CDK8: variants seen among roughly 807,000 people sequenced by gnomAD.
CDK8 encodes cyclin-dependent kinase 8.
In CDK8, 29 loss-of-function variants were observed where a neutral mutation model predicts 71.5. The ratio of observed to expected loss-of-function variants is 0.41; its 90% CI spans 0.30 to 0.55. The LOEUF is 0.55. CDK8 is among the 20% of genes least tolerant of loss of function. The pLI is 0.37. For missense variants in CDK8, 288 were observed against 572.6 expected (o/e 0.50, Z 5.07); for synonymous variants, 161 against 192.1 (o/e 0.84, Z 1.34).
chr13:26,288,110 G>T (rs1873110623), intron 1 of CDK8, among the ~76,000 whole-genome samples: 1 of 151,930 alleles, frequency 6.6e-6, no homozygotes, highest in South Asian at 2.1e-4. Context: ...CTATAGGCAC[G>T]TGCCACCATG....
At chr13:26,333,296 C>A (rs1472820106) in intron 1 of CDK8, among the ~76,000 whole-genome samples, 1 of 152,010 alleles carries the variant, frequency 6.6e-6, no homozygotes, top group African/African-American at 2.4e-5. Flanking sequence ...TCCACTACCA[C>A]GCCCGGCTAA....
chr13:26,369,709 C>CTTTTTTTTTTTTTTTTTT (rs36116401), intron 4 of CDK8, among the ~76,000 whole-genome samples: 1 of 95,384 alleles, frequency 1.0e-5, no homozygotes, highest in Non-Finnish European at 2.0e-5. Context: ...TTCTTTCTTT[C>CTTTTTTTTTTTTTTTTTT]TTTTTTTTTT....
rs1410018169 is a variant in CDK8 at position 26,279,723 on chromosome 13, A to G, written c.128+24954A>G. On this transcript the variant is annotated intron_variant, in intron 1 of 12. Transcript: ENST00000381527. Reference sequence around the variant, plus strand: ...ATTTGGATTTAATAAAAACTCATACAAAAGACATTTTTGGAACAATTTGTA... The same window carrying G: ...ATTTGGATTTAATAAAAACTCATACGAAAGACATTTTTGGAACAATTTGTA... 2.6e-5 allele frequency among the ~76,000 whole-genome samples: 4 copies of G among 152,232 alleles called. No homozygotes were observed. In the East Asian group the frequency reaches 7.7e-4, roughly 29 times the overall value.
At chr13:26,321,569 A>G (rs1412331121) in intron 1 of CDK8, among the ~76,000 whole-genome samples, 1 of 152,146 alleles carries the variant, frequency 6.6e-6, no homozygotes, top group African/African-American at 2.4e-5. Context: ...TAAAAAATGG[A>G]AAAAAAGTGA....
chr13:26,310,592 T>C (rs1436759374), intron 1 of CDK8, among the ~76,000 whole-genome samples: 1 of 152,130 alleles, frequency 6.6e-6, no homozygotes, highest in Non-Finnish European at 1.5e-5. Context: ...CGTTCTCCTA[T>C]GAGAATCTAA....
chr13:26,380,330 C>T (rs1875160624), intron 4 of CDK8, among the ~76,000 whole-genome samples: 1 of 152,100 alleles, frequency 6.6e-6, no homozygotes, highest in African/African-American at 2.4e-5. Context: ...CAGGCACGCA[C>T]CACCACGCCC....
At chr13:26,331,841 C>T (rs1340765762) in intron 1 of CDK8, among the ~76,000 whole-genome samples, 9 of 152,012 alleles carry the variant, frequency 5.9e-5, no homozygotes, top group African/African-American at 1.2e-4. Flanking sequence ...TTTCTGACTC[C>T]GTGAAGAATG....
chr13:26,332,339 G>A (rs555592819), intron 1 of CDK8, among the ~76,000 whole-genome samples: 4 of 151,950 alleles, frequency 2.6e-5, no homozygotes, highest in African/African-American at 9.7e-5. Flanking sequence ...ACAAAAATTA[G>A]CCAGGCATGG....
chr13:26,256,780 C>A (rs1871543234), intron 1 of CDK8, among the ~76,000 whole-genome samples: 1 of 152,222 alleles, frequency 6.6e-6, no homozygotes, highest in Non-Finnish European at 1.5e-5. Context: ...GAAAAAAGAA[C>A]TTATTATTTG....
intron 1 of CDK8, among the ~76,000 whole-genome samples, chr13:26,294,972 T>A (rs77735537): frequency 0.058 from 8,813 of 152,088 alleles, 854 homozygotes; most frequent in African/African-American, 0.2. Context: ...ATGATCTCGA[T>A]CCCTTGACCT....
At position 26,381,305 on chromosome 13, in the gene CDK8, T is replaced by A. The variant is rs143068107; in HGVS notation, c.457-1509T>A. 7.4e-3 allele frequency among the ~76,000 whole-genome samples: 1,129 copies of A among 152,296 alleles called. 12 individuals carry two copies. The highest frequency in any genetic ancestry group is 0.032 in the South Asian group (152 of 4,816). On this transcript the variant is annotated intron_variant, in intron 4 of 12. Transcript: ENST00000381527. ...TGCACTATCTCAGAAATCTGGCTTC[T>A]CTCTGAAGTAGGCCGGGCCCTAAGA...
chr13:26,357,004 C>T (rs1873926127), intron 4 of CDK8, among the ~76,000 whole-genome samples: 1 of 152,156 alleles, frequency 6.6e-6, no homozygotes, highest in Non-Finnish European at 1.5e-5. Context: ...ACCCTAAAAA[C>T]ACCATTTTAA....
chr13:26,336,463 G>A (rs1166337385), intron 1 of CDK8, among the ~76,000 whole-genome samples: 1 of 151,084 alleles, frequency 6.6e-6, no homozygotes, highest in Admixed American at 6.6e-5. Flanking sequence ...AGGGTCCACA[G>A]TAATTTTCAA....
chr13:26,330,818 A>G (rs1875281464), intron 1 of CDK8, among the ~76,000 whole-genome samples: 1 of 152,262 alleles, frequency 6.6e-6, no homozygotes, highest in Non-Finnish European at 1.5e-5. Context: ...TATATATACC[A>G]CATTTTCTTT....
chr13:26,298,445 T>C lies in CDK8; in HGVS notation c.129-39122T>C, dbSNP rs370433267. The stretch of plus-strand genomic sequence containing the variant: ...ACCTTTCTTGAGGTGAGGTGGACAG[T>C]GAAACTTCCGAGTAAGTGGAAAGAC... On this transcript the variant is annotated intron_variant, in intron 1 of 12. Transcript: ENST00000381527. Among the ~76,000 whole-genome samples the C allele has an allele frequency of 2.0e-4, 31 of 152,278 alleles. No individual in the cohort carries two copies. In the East Asian group the frequency reaches 4.8e-3, roughly 24 times the overall value.
chr13:26,372,364 G>A (rs949138887), intron 4 of CDK8, among the ~76,000 whole-genome samples: 16 of 151,950 alleles, frequency 1.1e-4, no homozygotes, highest in Non-Finnish European at 2.1e-4. Flanking sequence ...TTGTTTGAAA[G>A]GCACATTAAA....
chr13:26,388,374 T>C (rs968298475), intron 6 of CDK8, among the ~76,000 whole-genome samples: 16 of 152,204 alleles, frequency 1.1e-4, no homozygotes, highest in African/African-American at 3.9e-4. Context: ...ATTACCTAAA[T>C]ACATATCTGG....
intron 2 of CDK8, 76 bp downstream of exon 2, chr13:26,337,718 T>C (rs1873053583): frequency 1.9e-6 from 1 of 537,016 alleles, no homozygotes; most frequent in East Asian, 3.3e-5. Flanking sequence ...CTGTATTGTA[T>C]TTGTCATATT....
chr13:26,363,538 T>A (rs1874247388), intron 4 of CDK8, among the ~76,000 whole-genome samples: 1 of 151,900 alleles, frequency 6.6e-6, no homozygotes, highest in Non-Finnish European at 1.5e-5. Context: ...GTTTGTTTGT[T>A]TTTGGTAGAG....
Sources: allele counts gnomAD v4.1 joint callset (sites outside exome capture counted in the v4.1 genomes callset), GRCh38; gene constraint gnomAD v4.1.1; transcripts MANE v1.5; gene names NCBI Gene and HGNC (gene_info 2026-07-23, HGNC 2026-07-21).